ZDHHC17: variants seen among roughly 807,000 people sequenced by gnomAD.
ZDHHC17 encodes zDHHC palmitoyltransferase 17.
Under a neutral mutation model 90.3 loss-of-function variants are expected in ZDHHC17, and 40 were observed. That is an observed-to-expected ratio of 0.44 (90% CI 0.34 to 0.58). The LOEUF is 0.58. ZDHHC17 is among the 20% of genes least tolerant of loss of function. ZDHHC17 has a pLI of 0.01. For synonymous variants in ZDHHC17, 235 were observed against 252.4 expected (o/e 0.93, Z 0.65); for missense variants, 614 against 780.8 (o/e 0.79, Z 2.55).
At chr12:76,790,408 A>G (rs1277519202) in intron 1 of ZDHHC17, among the ~76,000 whole-genome samples, 1 of 152,162 alleles carries the variant, frequency 6.6e-6, no homozygotes, top group Non-Finnish European at 1.5e-5. Context: ...AGACTGAGGC[A>G]GGAGAATCAG....
intron 2 of ZDHHC17, among the ~76,000 whole-genome samples, chr12:76,800,465 C>A (rs1298519784): frequency 6.6e-6 from 1 of 152,148 alleles, no homozygotes; most frequent in Non-Finnish European, 1.5e-5. Context: ...TACTGTAGAA[C>A]TATCTGTTTC....
intron 1 of ZDHHC17, among the ~76,000 whole-genome samples, chr12:76,766,153 C>T (rs1469159667): frequency 6.6e-6 from 1 of 152,168 alleles, no homozygotes; most frequent in Non-Finnish European, 1.5e-5. Flanking sequence ...ATTTAGCTAC[C>T]GATCTTCAGG....
chr12:76,779,758 C>G (rs1013584075), intron 1 of ZDHHC17, among the ~76,000 whole-genome samples: 1 of 152,166 alleles, frequency 6.6e-6, no homozygotes, highest in Non-Finnish European at 1.5e-5. Flanking sequence ...AGCCTGAGAT[C>G]CCAAAGATTG....
chr12:76,821,003 T>A (rs1467043697), intron 7 of ZDHHC17: 2 of 1,052,434 alleles, frequency 1.9e-6, no homozygotes, highest in South Asian at 1.3e-5. Context: ...AATAGTTAGA[T>A]GACTGGAGGA....
chr12:76,809,598 CTT>C (rs1411240852), intron 4 of ZDHHC17, 113 bp from the exon 5 acceptor site: 56 of 845,006 alleles, frequency 6.6e-5, no homozygotes, highest in Non-Finnish European at 8.5e-5. Context: ...TTTAAAATAA[CTT>C]TTCAAAATAC....
chr12:76,769,820 G>A (rs1446433659), intron 1 of ZDHHC17, among the ~76,000 whole-genome samples: 2 of 152,132 alleles, frequency 1.3e-5, no homozygotes, highest in African/African-American at 4.8e-5. Context: ...CATGGATTGT[G>A]CTCAAAGCCA....
chr12:76,784,141 A>T (rs1375702755), intron 1 of ZDHHC17, among the ~76,000 whole-genome samples: 1 of 152,242 alleles, frequency 6.6e-6, no homozygotes, highest in African/African-American at 2.4e-5. Context: ...ACCACACAAC[A>T]TATACAGATT....
intron 10 of ZDHHC17, chr12:76,840,986 C>T (rs1172899567): frequency 2.6e-5 from 4 of 152,028 alleles, no homozygotes; most frequent in African/African-American, 4.8e-5. Context: ...GAAAGTTTGA[C>T]TTCTTATTTA....
chr12:76,801,757 A>T (rs534612216), intron 2 of ZDHHC17, among the ~76,000 whole-genome samples: 5 of 152,326 alleles, frequency 3.3e-5, no homozygotes, highest in African/African-American at 1.2e-4. Context: ...GCTCCTTTAC[A>T]GCCTCATCTA....
Position 76,831,947 on chromosome 12 carries a change from AGTTT to A in ZDHHC17, c.1141+3463_1141+3466del, listed in dbSNP as rs377566937. 1.2e-3 allele frequency among the ~76,000 whole-genome samples: 184 copies of A among 152,298 alleles called. 1 individual carries two copies. The highest frequency in any genetic ancestry group is 4.6e-3 in the East Asian group (24 of 5,182). On this transcript the variant is annotated intron_variant, in intron 10 of 16. Transcript: ENST00000426126. ...AAGTGTGAGCCCATGCCTAGCTCACAGTTTGTTTGAACATTTGTGTAGGTGTAAA... is the reference window on the plus strand; with the variant it reads ...AAGTGTGAGCCCATGCCTAGCTCACAGTTTGAACATTTGTGTAGGTGTAAA...
rs190287186 is a variant in ZDHHC17 at position 76,795,652 on chromosome 12, T to A, written c.94-1782T>A. Reference sequence around the variant, plus strand: ...CCACTGAATATAGAGCATAGAGAGATTGAAAACTGGAATTCTGTGGAGAAA... The same window carrying A: ...CCACTGAATATAGAGCATAGAGAGAATGAAAACTGGAATTCTGTGGAGAAA... On this transcript the variant is annotated intron_variant, in intron 1 of 16. Coordinates refer to ENST00000426126, the MANE Select transcript of ZDHHC17 (RefSeq NM_015336.4). Among the ~76,000 whole-genome samples the A allele has an allele frequency of 6.5e-4, 99 of 152,262 alleles. 1 individual carries two copies. The highest frequency in any genetic ancestry group is 2.1e-3 in the African/African-American group (86 of 41,582).
chr12:76,851,071 C>T lies in ZDHHC17; in HGVS notation c.*86C>T. ...TCTTTCTCACACTCGAATCCACATC[C>T]TTTGAACAAGAGCATGCTATGTGTA... On this transcript the variant is annotated 3_prime_UTR_variant, in exon 17 of 17. Transcript: ENST00000426126. The T allele has an allele frequency of 6.5e-7, 1 of 1,547,708 alleles. No individual in the cohort carries two copies. Among genetic ancestry groups the T allele is most frequent in the Non-Finnish European group, 8.8e-7 (1 of 1,136,146 alleles).
At chr12:76,791,930 A>AGGAGGTCT (rs1952763916) in intron 1 of ZDHHC17, among the ~76,000 whole-genome samples, 2 of 152,194 alleles carry the variant, frequency 1.3e-5, no homozygotes, top group South Asian at 4.1e-4. Flanking sequence ...GATGTATGGG[A>AGGAGGTCT]GGAGGTCTGA....
At chr12:76,783,312 C>T (rs1254293664) in intron 1 of ZDHHC17, among the ~76,000 whole-genome samples, 1 of 152,192 alleles carries the variant, frequency 6.6e-6, no homozygotes, top group African/African-American at 2.4e-5. Context: ...ACTCACAGTG[C>T]CACATGGCTG....
rs78720832 is a variant in ZDHHC17 at position 76,811,575 on chromosome 12, G to A, written c.543+1718G>A. Among the ~76,000 whole-genome samples, 476 of 152,004 alleles carry A rather than the reference G, an allele frequency of 3.1e-3. 3 individuals carry two copies. Among genetic ancestry groups the A allele is most frequent in the African/African-American group, 0.011 (449 of 41,472 alleles). ...AGTGCTTTTGGTACAAAAAGGGCATGATGATGATAATGATGATGATAAATG... is the reference window on the plus strand; with the variant it reads ...AGTGCTTTTGGTACAAAAAGGGCATAATGATGATAATGATGATGATAAATG... On this transcript the variant is annotated intron_variant, in intron 5 of 16. Transcript: ENST00000426126.
At chr12:76,795,060 T>C (rs1424052376) in intron 1 of ZDHHC17, among the ~76,000 whole-genome samples, 2 of 152,248 alleles carry the variant, frequency 1.3e-5, no homozygotes, top group African/African-American at 4.8e-5. Context: ...TTCTCTACTT[T>C]GTCTTTCCAT....
intron 5 of ZDHHC17, among the ~76,000 whole-genome samples, chr12:76,812,476 A>G (rs1025577431): frequency 6.6e-6 from 1 of 152,156 alleles, no homozygotes; most frequent in African/African-American, 2.4e-5. Context: ...TTCTGATTAC[A>G]TAGTTCCTAA....
intron 1 of ZDHHC17, among the ~76,000 whole-genome samples, chr12:76,795,540 T>A (rs112698300): frequency 4.6e-5 from 7 of 152,282 alleles, no homozygotes; most frequent in African/African-American, 1.7e-4. Flanking sequence ...ATTATTTTCC[T>A]TGTGGTTGGA....
chr12:76,796,467 G>C (rs1403921622), intron 1 of ZDHHC17, among the ~76,000 whole-genome samples: 1 of 151,954 alleles, frequency 6.6e-6, no homozygotes, highest in Non-Finnish European at 1.5e-5. Context: ...ACTTTGAATA[G>C]ATGTAATATT....
Sources: allele counts gnomAD v4.1 joint callset (sites outside exome capture counted in the v4.1 genomes callset), GRCh38; gene constraint gnomAD v4.1.1; transcripts MANE v1.5; gene names NCBI Gene and HGNC (gene_info 2026-07-23, HGNC 2026-07-21).